LAMA4: variants seen among roughly 807,000 people sequenced by gnomAD.
The protein encoded by LAMA4 is laminin subunit alpha 4.
A neutral mutation model predicts 207.1 loss-of-function variants in LAMA4; 127 were observed. The observed-to-expected ratio is 0.61, with a 90% CI of 0.53 to 0.71. The LOEUF (loss-of-function observed/expected upper bound fraction) is 0.71, where lower values mean the gene tolerates loss of function less well. Among genes scored for constraint, LAMA4 ranks in the 30% least tolerant of loss-of-function variants. The pLI is 0.00. For missense variants in LAMA4, 2,093 were observed against 2,246.5 expected (o/e 0.93, Z 1.38); for synonymous variants, 761 against 816.0 (o/e 0.93, Z 1.15).
At chr6:112,212,407 A>G (rs1032125294) in intron 3 of LAMA4, among the ~76,000 whole-genome samples, 1 of 152,026 alleles carries the variant, frequency 6.6e-6, no homozygotes, top group South Asian at 2.1e-4. Flanking sequence ...TATTTTTAGT[A>G]GAGATGGGGT....
At chr6:112,224,691 C>G (rs1460088527) in intron 2 of LAMA4, among the ~76,000 whole-genome samples, 2 of 151,742 alleles carry the variant, frequency 1.3e-5, no homozygotes, top group African/African-American at 2.4e-5. Flanking sequence ...AGGTGTTTGC[C>G]TGTAATCCCA....
intron 38 of LAMA4, among the ~76,000 whole-genome samples, chr6:112,112,160 A>AG (rs144909479): frequency 0.015 from 2,212 of 152,242 alleles, 61 homozygotes; most frequent in African/African-American, 0.051. Context: ...TATACATCCT[A>AG]GGGGGAAAGG....
chr6:112,219,599 T>C (rs569420820), intron 2 of LAMA4: 3 of 152,336 alleles, frequency 2.0e-5, no homozygotes, highest in African/African-American at 7.2e-5. Flanking sequence ...AATTATAATA[T>C]AGTGGCCAGC....
chr6:112,253,995 T>A lies in LAMA4; in HGVS notation c.156A>T (p.Glu52Asp), dbSNP rs1199875396. The A allele has an allele frequency of 1.9e-6, 3 of 1,585,350 alleles. No individual in the cohort carries two copies. Among genetic ancestry groups the A allele is most frequent in the Non-Finnish European group, 2.6e-6 (3 of 1,165,488 alleles). The change falls in exon 2 of 39, where the codon GAA becomes GAT. Residue 52 changes from glutamate (E) to aspartate (D), a missense_variant. Coordinates refer to ENST00000230538, the MANE Select transcript of LAMA4 (RefSeq NM_001105206.3). ...GCAGGCGTCCCAGAGCCACGCGGGG[T>A]TCGCTCGTCTCAGGCGGGTCTTGCC... ...VGRQDPPETSEPRVALGRLPP... is the reference protein window; with the variant it reads ...VGRQDPPETSDPRVALGRLPP...
At chr6:112,121,817 T>TA (rs1778376979) in intron 32 of LAMA4, 197 bp downstream of exon 32, 9 of 557,706 alleles carry the variant, frequency 1.6e-5, no homozygotes, top group Middle Eastern at 5.0e-4. Flanking sequence ...TTATGAACCT[T>TA]ACAATTGGAA....
chr6:112,222,854 T>C (rs2345809), intron 2 of LAMA4, among the ~76,000 whole-genome samples: 36,577 of 152,134 alleles, frequency 0.24, 5,232 homozygotes, highest in African/African-American at 0.4. Flanking sequence ...CCACAGCCCC[T>C]ACAGCCGTAC....
chr6:112,170,322 C>T (rs782703121), intron 12 of LAMA4, among the ~76,000 whole-genome samples: 28 of 152,164 alleles, frequency 1.8e-4, no homozygotes, highest in Non-Finnish European at 2.8e-4. Flanking sequence ...CTACCAGGAC[C>T]GGTCTGGGTT....
chr6:112,129,640 T>C (rs1778910177), intron 30 of LAMA4, among the ~76,000 whole-genome samples: 1 of 152,126 alleles, frequency 6.6e-6, no homozygotes, highest in South Asian at 2.1e-4. Flanking sequence ...ACCATTATTA[T>C]CTGCATTTTC....
At chr6:112,232,092 T>A (rs1390224132) in intron 2 of LAMA4, among the ~76,000 whole-genome samples, 1 of 152,228 alleles carries the variant, frequency 6.6e-6, no homozygotes, top group East Asian at 1.9e-4. Flanking sequence ...ATCTTTAGGC[T>A]AAAATCCAAG....
intron 4 of LAMA4, among the ~76,000 whole-genome samples, chr6:112,202,538 C>A (rs1783818388): frequency 6.6e-6 from 1 of 152,054 alleles, no homozygotes; most frequent in Non-Finnish European, 1.5e-5. Flanking sequence ...TGACCCGCTG[C>A]TCTCTTGTTC....
At chr6:112,173,130 C>G (rs1219885980) in intron 11 of LAMA4, among the ~76,000 whole-genome samples, 4 of 152,066 alleles carry the variant, frequency 2.6e-5, no homozygotes, top group Non-Finnish European at 5.9e-5. Context: ...GTAAAGGGGA[C>G]TTGGGTATAG....
At chr6:112,148,463 T>G (rs1264025053) in intron 17 of LAMA4, 127 bp from the exon 18 acceptor site, 40 of 941,598 alleles carry the variant, frequency 4.2e-5, no homozygotes, top group Admixed American at 1.8e-4. Context: ...AAAGTAAGAT[T>G]TTTGGATAAC....
intron 2 of LAMA4, among the ~76,000 whole-genome samples, chr6:112,221,260 C>T (rs1035916253): frequency 6.6e-6 from 1 of 152,168 alleles, no homozygotes; most frequent in African/African-American, 2.4e-5. Context: ...ACACACTCTA[C>T]AGCCCTAGTG....
rs1331112113 is a variant in LAMA4 at position 112,140,936 on chromosome 6, T to C, written c.2814-14A>G. ...TGTTTTCCCACCCTATTGAGATAAA[T>C]AATTTTCACTTGTTATTATATAATT... On this transcript the variant is annotated splice_polypyrimidine_tract_variant and intron_variant, in intron 21 of 38. Coordinates refer to ENST00000230538, the MANE Select transcript of LAMA4 (RefSeq NM_001105206.3). The C allele has an allele frequency of 1.9e-6, 3 of 1,599,512 alleles. No individual in the cohort carries two copies. The highest frequency in any genetic ancestry group is 3.3e-4 in the Middle Eastern group (2 of 6,060).
At chr6:112,129,837 A>G (rs2114639646) in intron 30 of LAMA4, 39 bp downstream of exon 30, 1 of 1,432,308 alleles carries the variant, frequency 7.0e-7, no homozygotes, top group Non-Finnish European at 9.6e-7. Flanking sequence ...GATTTTATTT[A>G]TCAATCATGC....
chr6:112,166,886 G>A (rs1405322136), intron 12 of LAMA4, among the ~76,000 whole-genome samples: 2 of 151,980 alleles, frequency 1.3e-5, no homozygotes, highest in Non-Finnish European at 2.9e-5. Context: ...AAAGTTCCAC[G>A]GTCAACAACA....
intron 9 of LAMA4, among the ~76,000 whole-genome samples, chr6:112,183,133 G>A (rs889828559): frequency 7.2e-5 from 11 of 152,122 alleles, no homozygotes; most frequent in African/African-American, 2.4e-5. Flanking sequence ...AGTTCAAGGG[G>A]CAATATTACT....
intron 6 of LAMA4, among the ~76,000 whole-genome samples, chr6:112,190,512 C>T (rs1782953903): frequency 6.6e-6 from 1 of 152,164 alleles, no homozygotes; most frequent in South Asian, 2.1e-4. Context: ...TACAATATTT[C>T]CTGCTCTCCC....
intron 4 of LAMA4, among the ~76,000 whole-genome samples, chr6:112,206,395 A>G (rs1014217451): frequency 2.5e-4 from 38 of 152,214 alleles, no homozygotes; most frequent in African/African-American, 9.2e-4. Flanking sequence ...CTTAAATTCC[A>G]TATTCTGTCA....
Sources: gnomAD v4.1 joint callset for allele counts (sites outside exome capture counted in the v4.1 genomes callset) on GRCh38, gnomAD v4.1.1 for gene constraint, MANE v1.5 for transcripts, NCBI Gene and HGNC (gene_info 2026-07-23, HGNC 2026-07-21) for gene names.